EPHA3: variants seen among roughly 807,000 people sequenced by gnomAD.
EPHA3 encodes the protein EPH receptor A3.
A neutral mutation model predicts 107.1 loss-of-function variants in EPHA3; 42 were observed. The ratio of observed to expected loss-of-function variants is 0.39; its 90% CI spans 0.31 to 0.51. The LOEUF is 0.51. Ranked by LOEUF, EPHA3 falls within the 20% of genes least tolerant of loss-of-function variation. EPHA3 has a pLI of 0.78. For synonymous variants in EPHA3, 461 were observed against 424.8 expected, an observed-to-expected ratio of 1.09 and a Z score of -1.05; for missense variants, 1,183 against 1,211.2, an observed-to-expected ratio of 0.98 and a Z score of 0.35.
At chr3:89,145,740 A>G (rs564345194) in intron 2 of EPHA3, among the ~76,000 whole-genome samples, 2 of 151,798 alleles carry the variant, frequency 1.3e-5, no homozygotes, top group African/African-American at 4.8e-5. Flanking sequence ...ATTCATATTC[A>G]GTATTTATCG....
intron 7 of EPHA3, among the ~76,000 whole-genome samples, chr3:89,405,264 G>T (rs1234014682): frequency 6.6e-6 from 1 of 152,146 alleles, no homozygotes; most frequent in African/African-American, 2.4e-5. Context: ...ACCCATTTGA[G>T]GAGTGTTGCA....
At chr3:89,472,909 G>A (rs1441597437) in intron 16 of EPHA3, among the ~76,000 whole-genome samples, 1 of 152,018 alleles carries the variant, frequency 6.6e-6, no homozygotes, top group Admixed American at 6.6e-5. Flanking sequence ...TAACCACACT[G>A]CAGACTCAAG....
intron 6 of EPHA3, among the ~76,000 whole-genome samples, chr3:89,397,897 A>T (rs1257781853): frequency 6.6e-6 from 1 of 152,142 alleles, no homozygotes; most frequent in Non-Finnish European, 1.5e-5. Context: ...CTTTTAAACA[A>T]TATTAGCTAT....
In EPHA3 at chr3:89,399,342, A is replaced by G. The variant is rs374626393; in HGVS notation, c.1456A>G (p.Ile486Val). ...EKQEQETSYT[I>V]LRARGTNVTI... ...GCAGGAACAAGAAACAAGTTATACC[A>G]TTCTGAGGGCAAGAGGCACAAATGT... Residue 486 changes from isoleucine to valine, a missense_variant, in exon 7 of 17, where the codon ATT becomes GTT. Coordinates refer to ENST00000336596, the MANE Select transcript of EPHA3 (RefSeq NM_005233.6). 1.9e-6 allele frequency: 3 copies of G among 1,612,782 alleles called. No homozygotes were observed. The highest frequency in any genetic ancestry group is 2.7e-5 in the African/African-American group (2 of 74,890).
At chr3:89,281,925 C>G (rs77635452) in intron 3 of EPHA3, among the ~76,000 whole-genome samples, 3 of 152,276 alleles carry the variant, frequency 2.0e-5, no homozygotes, top group Non-Finnish European at 2.9e-5. Context: ...TCTTTCAACA[C>G]CTATTTTTAA....
At chr3:89,163,739 G>A (rs1704999025) in intron 2 of EPHA3, among the ~76,000 whole-genome samples, 2 of 152,090 alleles carry the variant, frequency 1.3e-5, no homozygotes, top group Admixed American at 1.3e-4. Context: ...CTGGGTGGCA[G>A]GTATAAATGG....
chr3:89,254,229 G>T (rs1705226306), intron 3 of EPHA3, among the ~76,000 whole-genome samples: 1 of 152,030 alleles, frequency 6.6e-6, no homozygotes, highest in African/African-American at 2.4e-5. Flanking sequence ...CTTGGAATTT[G>T]CATTGTTTAG....
chr3:89,194,764 A>G (rs1705797210), intron 2 of EPHA3, among the ~76,000 whole-genome samples: 1 of 152,038 alleles, frequency 6.6e-6, no homozygotes, highest in Non-Finnish European at 1.5e-5. Context: ...TATAATACCT[A>G]TACAGTTATT....
intron 1 of EPHA3, among the ~76,000 whole-genome samples, chr3:89,108,313 A>T (rs1480294172): frequency 2.6e-5 from 4 of 152,172 alleles, no homozygotes; most frequent in Admixed American, 2.6e-4. Flanking sequence ...ACTAAAGGGA[A>T]ATCAGAGTTT....
At chr3:89,222,038 C>G (rs1393120888) in intron 3 of EPHA3, among the ~76,000 whole-genome samples, 1 of 152,072 alleles carries the variant, frequency 6.6e-6, no homozygotes. Flanking sequence ...CAGGGCATCT[C>G]TGGCCTTTAT....
At chr3:89,207,445 T>A (rs936036570) in intron 2 of EPHA3, among the ~76,000 whole-genome samples, 1 of 152,184 alleles carries the variant, frequency 6.6e-6, no homozygotes, top group African/African-American at 2.4e-5. Context: ...GATGGACCAA[T>A]GTAGCAAACC....
intron 13 of EPHA3, among the ~76,000 whole-genome samples, chr3:89,433,679 C>G (rs947658444): frequency 6.6e-6 from 1 of 152,194 alleles, no homozygotes; most frequent in South Asian, 2.1e-4. Flanking sequence ...TTGTTCTTAA[C>G]AAACACAATT....
At chr3:89,233,670 A>G (rs920981170) in intron 3 of EPHA3, among the ~76,000 whole-genome samples, 3 of 152,108 alleles carry the variant, frequency 2.0e-5, no homozygotes, top group Non-Finnish European at 4.4e-5. Context: ...ACAATTTCTA[A>G]CCAAAGGCTG....
At chr3:89,399,726 G>GA in intron 7 of EPHA3, 2 of 987,026 alleles carry the variant, frequency 2.0e-6, no homozygotes, top group Non-Finnish European at 2.5e-6. Flanking sequence ...AAATGCTTCT[G>GA]TTTTTTTTTT....
chr3:89,313,567 T>C (rs1192990121), intron 3 of EPHA3, among the ~76,000 whole-genome samples: 2 of 152,040 alleles, frequency 1.3e-5, no homozygotes, highest in African/African-American at 4.8e-5. Flanking sequence ...TACAATATAC[T>C]TCAAGTGGGC....
chr3:89,356,088 G>T lies in EPHA3; in HGVS notation c.1306+13998G>T, dbSNP rs541836480. ...TATGAGTGAGAATATACAGTGTTTG[G>T]TTTTTTGTTCTTGCGATAGTTTACT... On this transcript the variant is annotated intron_variant, in intron 5 of 16. Coordinates refer to ENST00000336596, the MANE Select transcript of EPHA3 (RefSeq NM_005233.6). Among the ~76,000 whole-genome samples the T allele has an allele frequency of 3.0e-4, 44 of 145,842 alleles. 3 individuals carry two copies. Among genetic ancestry groups the T allele is most frequent in the Non-Finnish European group, 5.6e-4 (37 of 66,566 alleles).
chr3:89,150,254 A>G (rs1704660450), intron 2 of EPHA3, among the ~76,000 whole-genome samples: 1 of 152,050 alleles, frequency 6.6e-6, no homozygotes, highest in African/African-American at 2.4e-5. Context: ...TCAGATTTTC[A>G]TGGGGTATAT....
chr3:89,424,939 G>A (rs148205882), intron 11 of EPHA3, among the ~76,000 whole-genome samples: 114 of 151,556 alleles, frequency 7.5e-4, no homozygotes, highest in Admixed American at 7.2e-3. Flanking sequence ...AGTAGGGTTG[G>A]TTAAGGAAGT....
intron 3 of EPHA3, among the ~76,000 whole-genome samples, chr3:89,211,328 T>G (rs1267232905): frequency 2.0e-5 from 3 of 152,096 alleles, no homozygotes; most frequent in Non-Finnish European, 4.4e-5. Flanking sequence ...CATATCATAA[T>G]TTCACTTAAT....
Sources: allele counts gnomAD v4.1 joint callset (sites outside exome capture counted in the v4.1 genomes callset), GRCh38; gene constraint gnomAD v4.1.1; transcripts MANE v1.5; gene names NCBI Gene and HGNC (gene_info 2026-07-23, HGNC 2026-07-21).